ESYT2: variants seen among roughly 807,000 people sequenced by gnomAD.
ESYT2 encodes the protein extended synaptotagmin-2.
Under a neutral mutation model 107.2 loss-of-function variants are expected in ESYT2, and 54 were observed. The ratio of observed to expected loss-of-function variants is 0.50; its 90% confidence interval spans 0.40 to 0.63. The LOEUF is 0.63. Among genes scored for constraint, ESYT2 ranks in the 30% least tolerant of loss-of-function variants. ESYT2 has a pLI of 0.00. For synonymous variants in ESYT2, 491 were observed against 434.1 expected (o/e 1.13, Z -1.63); for missense variants, 1,020 against 1,094.5 (o/e 0.93, Z 0.96).
chr7:158,825,134 A>G (rs1840402121), intron 1 of ESYT2, among the ~76,000 whole-genome samples: 1 of 152,098 alleles, frequency 6.6e-6, no homozygotes, highest in Non-Finnish European at 1.5e-5. Flanking sequence ...CTCTACTAAA[A>G]ACACAAAAAT....
chr7:158,798,935 C>A (rs1839553637), intron 2 of ESYT2, 96 bp downstream of exon 2: 6 of 1,293,228 alleles, frequency 4.6e-6, no homozygotes, highest in African/African-American at 1.5e-5. Context: ...CAAACGAGCT[C>A]AAATATTACC....
rs1195473354 is a variant in ESYT2, at chr7:158,764,637, A to T, written c.1101+40T>A. 4 of 1,601,236 alleles carry T rather than the reference A, an allele frequency of 2.5e-6. No homozygotes were observed. The African/African-American group carries it at 5.3e-5, about 21-fold the overall frequency. ...AGCTTGGCCATCCCGCTCAGGGCTC[A>T]GCCCACCACCCCAGCAACACAGCAG... is the stretch of plus-strand genomic sequence containing the variant. On this transcript the variant is annotated intron_variant, in intron 9 of 22. Coordinates refer to ENST00000275418, the MANE Select transcript of ESYT2 (RefSeq NM_001367773.1).
At chr7:158,811,190 A>G (rs1324840158) in intron 1 of ESYT2, among the ~76,000 whole-genome samples, 1 of 152,142 alleles carries the variant, frequency 6.6e-6, no homozygotes, top group Non-Finnish European at 1.5e-5. Context: ...TAAAATTAAG[A>G]AAAAAGAAAT....
intron 13 of ESYT2, among the ~76,000 whole-genome samples, chr7:158,753,594 G>GA: frequency 7.0e-6 from 1 of 143,688 alleles, no homozygotes; most frequent in East Asian, 2.1e-4. Context: ...TGAACTAAAT[G>GA]TTTAATTTTT....
intron 1 of ESYT2, among the ~76,000 whole-genome samples, chr7:158,811,547 A>C (rs1188165356): frequency 2.6e-5 from 4 of 152,238 alleles, no homozygotes; most frequent in African/African-American, 9.6e-5. Flanking sequence ...GTTCACAGGA[A>C]CACACAGGCG....
At chr7:158,815,525 A>C (rs1312637205) in intron 1 of ESYT2, among the ~76,000 whole-genome samples, 1 of 152,092 alleles carries the variant, frequency 6.6e-6, no homozygotes, top group Non-Finnish European at 1.5e-5. Flanking sequence ...TATCCCTGCC[A>C]AATGTATCTT....
intron 20 of ESYT2, 114 bp from the exon 21 acceptor site, chr7:158,735,722 T>C (rs1330134823): frequency 2.2e-6 from 2 of 929,052 alleles, no homozygotes; most frequent in Non-Finnish European, 1.6e-6. Flanking sequence ...TGTTTTTTAT[T>C]ATAAAACTGA....
rs746784539 is a variant in ESYT2, at chr7:158,760,073, C to T, written c.1308G>A (p.Ala436=). 1.8e-5 allele frequency: 29 copies of T among 1,614,094 alleles called. No individual in the cohort carries two copies. The highest frequency in any genetic ancestry group is 1.8e-4 in the East Asian group (8 of 44,902). ...TCAACAGCACCTTGTCGAGGTTTGA[C>T]GCATTTGGCATTAACGTGAGCCACT... ...RLEWLTLMPN[A]SNLDKVLTDI... is the part of the protein sequence containing the mutation. The change falls in exon 12 of 23, where the codon GCG becomes GCA. Residue 436 remains alanine (A), a synonymous_variant. Coordinates refer to ENST00000275418, the MANE Select transcript of ESYT2 (RefSeq NM_001367773.1).
In ESYT2 at chr7:158,829,234, C is replaced by A; in HGVS notation, c.185G>T (p.Trp62Leu). ...ALGYLGLSFS[W>L]VLLALALLAW... ...GAGCAGCGCGAGCGCGAGGAGAACC[C>A]AGCTGAAGCTGAGCCCCAGGTAGCC... The change falls in exon 1 of 23, where the codon TGG (tryptophan) becomes TTG (leucine). Residue 62 changes from tryptophan (W) to leucine (L), a missense_variant. Transcript: ENST00000275418. The A allele has an allele frequency of 1.3e-6, 2 of 1,528,666 alleles. No individual in the cohort carries two copies. The highest frequency in any genetic ancestry group is 2.5e-5 in the East Asian group (1 of 39,412). The allele number at this position is 1,528,666 out of a possible 1,614,324, so 94.7% of individuals were successfully genotyped here.
chr7:158,807,900 T>C (rs7784703), intron 1 of ESYT2, among the ~76,000 whole-genome samples: 38,222 of 152,168 alleles, frequency 0.25, 5,908 homozygotes, highest in East Asian at 0.66. Context: ...GAGGCCAGGC[T>C]ATGAGCTGAG....
chr7:158,770,615 C>T (rs998027176), intron 7 of ESYT2, among the ~76,000 whole-genome samples: 5 of 151,962 alleles, frequency 3.3e-5, no homozygotes, highest in East Asian at 3.9e-4. Context: ...CCTGGGTTCA[C>T]GCCATTCTCC....
At chr7:158,814,882 TA>T (rs1210967716) in intron 1 of ESYT2, among the ~76,000 whole-genome samples, 14 of 152,154 alleles carry the variant, frequency 9.2e-5, no homozygotes, top group Admixed American at 3.9e-4. Context: ...CTTGGGGTTG[TA>T]AAAATGACTA....
intron 1 of ESYT2, among the ~76,000 whole-genome samples, chr7:158,812,592 G>A (rs1264694305): frequency 1.3e-5 from 2 of 152,044 alleles, no homozygotes; most frequent in African/African-American, 4.8e-5. Context: ...TCTATTCCTA[G>A]GTATATACTC....
chr7:158,758,484 G>C (rs1046722170), intron 13 of ESYT2, among the ~76,000 whole-genome samples: 2 of 152,194 alleles, frequency 1.3e-5, no homozygotes, highest in African/African-American at 2.4e-5. Context: ...TTGCCTTCTT[G>C]TCTATCTCCC....
At chr7:158,785,367 G>A (rs1407170459) in intron 6 of ESYT2, among the ~76,000 whole-genome samples, 1 of 152,008 alleles carries the variant, frequency 6.6e-6, no homozygotes, top group African/African-American at 2.4e-5. Flanking sequence ...GGAGGTTGCG[G>A]TGAGCCGAGA....
intron 12 of ESYT2, 62 bp downstream of exon 12, chr7:158,759,996 C>T (rs902050980): frequency 1.4e-6 from 2 of 1,467,616 alleles, no homozygotes; most frequent in African/African-American, 1.4e-5. Flanking sequence ...ACTGAGAGAC[C>T]AAGCTCAGTT....
At chr7:158,803,803 A>T (rs1839718089) in intron 1 of ESYT2, among the ~76,000 whole-genome samples, 2 of 148,064 alleles carry the variant, frequency 1.4e-5, no homozygotes, top group African/African-American at 5.0e-5. Context: ...TGACAAACCC[A>T]AACCGTTGAG....
Position 158,781,264 on chromosome 7 carries a change from CAAGT to C in ESYT2, c.747+6736_747+6739del, listed in dbSNP as rs774651866. ...ATGAGTGAGAACCAGTGTGAGTGAA[CAAGT>C]GAGTGAACGAGTGTGAGAACAGTGT... On this transcript the variant is annotated intron_variant, in intron 6 of 22. Transcript: ENST00000275418. Among the ~76,000 whole-genome samples the C allele has an allele frequency of 7.0e-4, 105 of 149,944 alleles. No individual in the cohort carries two copies. The East Asian group carries it at 9.4e-3, about 13-fold the overall frequency.
chr7:158,793,798 G>T, intron 3 of ESYT2, 72 bp from the exon 4 acceptor site: 2 of 1,151,250 alleles, frequency 1.7e-6, no homozygotes, highest in African/African-American at 1.6e-5. Context: ...ACATACCATA[G>T]AGACAAACAG....
Sources: allele counts gnomAD v4.1 joint callset (sites outside exome capture counted in the v4.1 genomes callset), GRCh38; gene constraint gnomAD v4.1.1; transcripts MANE v1.5; gene names NCBI Gene and HGNC (gene_info 2026-07-23, HGNC 2026-07-21).